The following AFG3L2 variants were observed in gnomAD, a reference collection of about 807,000 sequenced individuals.
The protein encoded by AFG3L2 is mitochondrial inner membrane m-AAA protease component AFG3L2.
Under a neutral mutation model 94.5 loss-of-function variants are expected in AFG3L2, and 54 were observed. The ratio of observed to expected loss-of-function variants is 0.57; its 90% CI spans 0.46 to 0.72. The LOEUF is 0.72. Ranked by LOEUF, AFG3L2 falls within the 30% of genes least tolerant of loss-of-function variation. The pLI, the probability that AFG3L2 is intolerant of heterozygous loss-of-function variation, is 0.00. For missense variants in AFG3L2, 754 were observed against 994.9 expected (o/e 0.76, Z 3.26); for synonymous variants, 377 against 365.5 (o/e 1.03, Z -0.36).
chr18:12,333,068 T>A (rs865779609), intron 16 of AFG3L2, among the ~76,000 whole-genome samples: 7 of 5,470 alleles, frequency 1.3e-3, no homozygotes, highest in South Asian at 0.029. Flanking sequence ...TTATAATCTA[T>A]TATATAACTA....
intron 3 of AFG3L2, 73 bp from the exon 4 acceptor site, chr18:12,367,455 C>T (rs781643647): frequency 2.4e-5 from 33 of 1,387,574 alleles, no homozygotes; most frequent in Admixed American, 8.4e-5. Context: ...TTCATGTATA[C>T]GGTTTAATAA....
At chr18:12,363,755 T>C in intron 6 of AFG3L2, 27 bp downstream of exon 6, 1 of 1,576,404 alleles carries the variant, frequency 6.3e-7, no homozygotes, top group South Asian at 1.1e-5. Context: ...TTACAACTAA[T>C]TCACATCAAT....
intron 13 of AFG3L2, among the ~76,000 whole-genome samples, chr18:12,344,676 A>G (rs1052657209): frequency 6.6e-5 from 10 of 151,350 alleles, no homozygotes; most frequent in Non-Finnish European, 1.2e-4. Context: ...TCCGTCTCAA[A>G]AAAAAAAAAA....
chr18:12,336,526 T>G (rs1338812602), intron 16 of AFG3L2, among the ~76,000 whole-genome samples: 2 of 152,184 alleles, frequency 1.3e-5, no homozygotes, highest in Non-Finnish European at 2.9e-5. Flanking sequence ...GGAGACCGAT[T>G]TGAGTAATAA....
chr18:12,339,054 C>A (rs561101915), intron 15 of AFG3L2, among the ~76,000 whole-genome samples: 1 of 149,230 alleles, frequency 6.7e-6, no homozygotes, highest in Non-Finnish European at 1.5e-5. Flanking sequence ...GGAGACAAGA[C>A]CATCCTGGCT....
chr18:12,337,283 T>C (rs1305129511), intron 16 of AFG3L2, 58 bp downstream of exon 16: 1 of 1,482,546 alleles, frequency 6.7e-7, no homozygotes, highest in East Asian at 2.3e-5. Flanking sequence ...AGTCTATCTA[T>C]CACTTCAATC....
At chr18:12,349,328 A>C (rs1380926585) in intron 12 of AFG3L2, among the ~76,000 whole-genome samples, 1 of 152,222 alleles carries the variant, frequency 6.6e-6, no homozygotes, top group African/African-American at 2.4e-5. Context: ...GTAAAATGGC[A>C]CAGGTAATTA....
intron 5 of AFG3L2, among the ~76,000 whole-genome samples, chr18:12,365,179 T>G (rs1351518617): frequency 6.6e-6 from 1 of 152,178 alleles, no homozygotes; most frequent in African/African-American, 2.4e-5. Flanking sequence ...AAAGGCAGTC[T>G]CTGTCAGAGA....
intron 9 of AFG3L2, among the ~76,000 whole-genome samples, chr18:12,356,153 A>ATT (rs775634147): frequency 7.8e-5 from 11 of 141,406 alleles, no homozygotes; most frequent in African/African-American, 5.2e-5. Context: ...ATAAAGCAAA[A>ATT]TTTTTTTTTT....
At position 12,338,016 on chromosome 18, in the gene AFG3L2, C is replaced by T. The variant is rs576143597; in HGVS notation, c.1981-481G>A. On this transcript the variant is annotated intron_variant, in intron 15 of 16. Coordinates refer to ENST00000269143, the MANE Select transcript of AFG3L2 (RefSeq NM_006796.3). ...AACTCCTGACCTCAGGTGATCTGCCCGCTTCGGCCTCCCAAAGTGCTGGGA... is the reference window on the plus strand; with the variant it reads ...AACTCCTGACCTCAGGTGATCTGCCTGCTTCGGCCTCCCAAAGTGCTGGGA... Among the ~76,000 whole-genome samples the T allele has an allele frequency of 7.9e-5, 12 of 152,214 alleles. No individual in the cohort carries two copies. The East Asian group carries it at 1.5e-3, about 20-fold the overall frequency.
At chr18:12,356,451 C>T (rs1282910279) in intron 9 of AFG3L2, among the ~76,000 whole-genome samples, 1 of 152,184 alleles carries the variant, frequency 6.6e-6, no homozygotes, top group East Asian at 1.9e-4. Context: ...CGCGCCCAGC[C>T]GTCAATTCTT....
At chr18:12,368,029 T>C (rs1908862214) in intron 3 of AFG3L2, among the ~76,000 whole-genome samples, 1 of 152,068 alleles carries the variant, frequency 6.6e-6, no homozygotes, top group African/African-American at 2.4e-5. Context: ...TAGCTGGGCA[T>C]GGTGGCGCAT....
chr18:12,363,739 G>A, intron 6 of AFG3L2, 43 bp downstream of exon 6: 2 of 1,516,078 alleles, frequency 1.3e-6, no homozygotes, highest in South Asian at 1.1e-5. Flanking sequence ...ATCTGAAAAA[G>A]TTAATTTACA....
chr18:12,372,793 A>G (rs997130094), intron 1 of AFG3L2, among the ~76,000 whole-genome samples: 3 of 152,262 alleles, frequency 2.0e-5, no homozygotes, highest in African/African-American at 4.8e-5. Flanking sequence ...AAGGTCACAT[A>G]TTATGATTCC....
rs1397655087 is a variant in AFG3L2, at chr18:12,348,267, C to T, written c.1663+6G>A. On this transcript the variant is annotated splice_donor_region_variant and intron_variant, in intron 13 of 16. Transcript: ENST00000269143. ...TTTCCACTTGAGTTATGTTCAGTTT[C>T]CTTACCACCAATCACTCGTTCAATT... is the stretch of plus-strand genomic sequence containing the variant. 5.0e-6 allele frequency: 8 copies of T among 1,607,496 alleles called. No individual in the cohort carries two copies. The highest frequency in any genetic ancestry group is 2.7e-5 in the African/African-American group (2 of 74,746).
chr18:12,344,608 A>G (rs1908071056), intron 13 of AFG3L2, among the ~76,000 whole-genome samples: 2 of 151,936 alleles, frequency 1.3e-5, no homozygotes. Context: ...CAGGAGGCGG[A>G]GGTTGCAGTG....
At chr18:12,345,874 A>G (rs7233290) in intron 13 of AFG3L2, among the ~76,000 whole-genome samples, 133,572 of 151,896 alleles carry the variant, frequency 0.88, 58,729 homozygotes, top group Non-Finnish European at 0.89. Context: ...TATAGAATAA[A>G]AGGGCTGGTG....
intron 5 of AFG3L2, among the ~76,000 whole-genome samples, chr18:12,365,096 A>C (rs1453022840): frequency 1.3e-5 from 2 of 152,240 alleles, no homozygotes; most frequent in Non-Finnish European, 2.9e-5. Context: ...CTGGAAGGCA[A>C]GAATGACAAA....
In AFG3L2 at chr18:12,359,976, T is replaced by C; in HGVS notation, c.703A>G (p.Ile235Val). The change falls in exon 7 of 17, where the codon ATA becomes GTA. Residue 235 changes from isoleucine to valine, a missense_variant. Ile to Val is a conservative substitution (Grantham distance 29, BLOSUM62 3). This residue lies in a region of AFG3L2 where 130 missense variants were observed against 175.1 expected (regional missense o/e 0.74). Transcript: ENST00000269143. ...ACAGGCACCCGATTTTCTCCTTCTATGCCCAATTCCTGCTGTAAAGTTTCC... is the reference window on the plus strand; with the variant it reads ...ACAGGCACCCGATTTTCTCCTTCTACGCCCAATTCCTGCTGTAAAGTTTCC... ...NLETLQQELG[I>V]EGENRVPVVY... 6.2e-7 allele frequency: 1 copy of C among 1,614,130 alleles called. No homozygotes were observed. Among genetic ancestry groups the C allele is most frequent in the Non-Finnish European group, 8.5e-7 (1 of 1,180,002 alleles).
Sources: gnomAD v4.1 joint callset for allele counts (sites outside exome capture counted in the v4.1 genomes callset) on GRCh38, gnomAD v4.1.1 for gene constraint, gnomAD v4.1.1 regional missense constraint, MANE v1.5 for transcripts, NCBI Gene and HGNC (gene_info 2026-07-23, HGNC 2026-07-21) for gene names.